The following MINDY3 variants were observed in gnomAD, a reference collection of about 807,000 sequenced individuals.
MINDY3 encodes the protein ubiquitin carboxyl-terminal hydrolase MINDY-3.
A neutral mutation model predicts 69.2 loss-of-function variants in MINDY3; 38 were observed. That is an observed-to-expected ratio of 0.55 (90% CI 0.42 to 0.72). MINDY3 has a LOEUF of 0.72. Ranked by LOEUF, MINDY3 falls within the 30% of genes least tolerant of loss-of-function variation. The pLI, the probability that MINDY3 is intolerant of heterozygous loss-of-function variation, is 0.00. For synonymous variants in MINDY3, 192 were observed against 180.1 expected (o/e 1.07, Z -0.53); for missense variants, 522 against 519.0 (o/e 1.01, Z -0.06).
chr10:15,809,562 T>C (rs1838859595), intron 10 of MINDY3, among the ~76,000 whole-genome samples: 1 of 152,144 alleles, frequency 6.6e-6, no homozygotes. Flanking sequence ...TGGAAAGTTC[T>C]CCATCGTACT....
chr10:15,844,239 G>A (rs1014431853), intron 2 of MINDY3, among the ~76,000 whole-genome samples: 10 of 152,206 alleles, frequency 6.6e-5, no homozygotes, highest in African/African-American at 2.4e-4. Context: ...CATTTACATA[G>A]GCATAAAGTC....
intron 7 of MINDY3, among the ~76,000 whole-genome samples, chr10:15,833,951 T>C (rs1832908550): frequency 6.6e-6 from 1 of 152,098 alleles, no homozygotes; most frequent in Non-Finnish European, 1.5e-5. Flanking sequence ...TTATCTAAGA[T>C]ATATTTAAAT....
intron 4 of MINDY3, among the ~76,000 whole-genome samples, chr10:15,840,632 G>A (rs963099207): frequency 6.6e-6 from 1 of 151,478 alleles, no homozygotes; most frequent in Non-Finnish European, 1.5e-5. Flanking sequence ...GATGCTCTGT[G>A]GGTAGAATAA....
At chr10:15,858,472 A>G (rs1443880938) in intron 1 of MINDY3, among the ~76,000 whole-genome samples, 1 of 152,256 alleles carries the variant, frequency 6.6e-6, no homozygotes, top group African/African-American at 2.4e-5. Context: ...TTAAAATAAT[A>G]TAAAAACAGC....
chr10:15,804,977 G>C (rs984988266), intron 10 of MINDY3, among the ~76,000 whole-genome samples: 1 of 152,114 alleles, frequency 6.6e-6, no homozygotes, highest in African/African-American at 2.4e-5. Context: ...ATCAGGGTAG[G>C]AAACACAGCA....
intron 2 of MINDY3, among the ~76,000 whole-genome samples, chr10:15,847,506 T>C (rs1213788415): frequency 6.6e-6 from 1 of 152,124 alleles, no homozygotes; most frequent in Non-Finnish European, 1.5e-5. Context: ...TTTTACAGAC[T>C]GAAATAATGA....
intron 11 of MINDY3, among the ~76,000 whole-genome samples, chr10:15,790,334 G>T (rs181831359): frequency 4.6e-5 from 7 of 152,222 alleles, no homozygotes; most frequent in African/African-American, 1.7e-4. Context: ...GATTGGCCTT[G>T]ACTAAAAGGT....
At chr10:15,783,519 C>G (rs1449424376) in intron 13 of MINDY3, among the ~76,000 whole-genome samples, 1 of 152,046 alleles carries the variant, frequency 6.6e-6, no homozygotes, top group African/African-American at 2.4e-5. Flanking sequence ...TGGTTTAAAT[C>G]TTACTTTTTC....
At chr10:15,842,715 T>C (rs1329190792) in intron 3 of MINDY3, among the ~76,000 whole-genome samples, 1 of 151,756 alleles carries the variant, frequency 6.6e-6, no homozygotes, top group Non-Finnish European at 1.5e-5. Context: ...GAATGCAAAT[T>C]CTTGTTATTA....
At chr10:15,800,615 T>C (rs1838190834) in intron 10 of MINDY3, among the ~76,000 whole-genome samples, 1 of 152,006 alleles carries the variant, frequency 6.6e-6, no homozygotes, top group Admixed American at 6.6e-5. Flanking sequence ...ATGGAACCCA[T>C]ATGAAGTGCC....
chr10:15,804,259 G>A (rs1838469910), intron 10 of MINDY3, among the ~76,000 whole-genome samples: 1 of 151,984 alleles, frequency 6.6e-6, no homozygotes, highest in African/African-American at 2.4e-5. Context: ...GGTGGACCAA[G>A]CTGTTAATGG....
intron 14 of MINDY3, among the ~76,000 whole-genome samples, chr10:15,779,565 T>C (rs1836358770): frequency 6.6e-6 from 1 of 152,174 alleles, no homozygotes; most frequent in African/African-American, 2.4e-5. Context: ...ATAAAAGGAA[T>C]ATAGCTATTA....
At chr10:15,857,657 T>C (rs1834783070) in intron 1 of MINDY3, among the ~76,000 whole-genome samples, 2 of 152,138 alleles carry the variant, frequency 1.3e-5, no homozygotes, top group Admixed American at 6.6e-5. Context: ...GCTTATTGCC[T>C]TTAAAATTAA....
chr10:15,812,632 G>T (rs537009111), intron 10 of MINDY3, among the ~76,000 whole-genome samples: 17 of 152,138 alleles, frequency 1.1e-4, no homozygotes, highest in Non-Finnish European at 2.4e-4. Context: ...TCCCATCACT[G>T]CTCTTTGGAG....
intron 8 of MINDY3, among the ~76,000 whole-genome samples, chr10:15,824,567 G>A (rs1433356125): frequency 6.6e-6 from 1 of 152,064 alleles, no homozygotes; most frequent in Non-Finnish European, 1.5e-5. Context: ...AGCCCAAATA[G>A]GTATAAATGG....
chr10:15,819,084 G>C (rs1035274834), intron 9 of MINDY3, among the ~76,000 whole-genome samples: 1 of 152,138 alleles, frequency 6.6e-6, no homozygotes, highest in Non-Finnish European at 1.5e-5. Context: ...GAGGGAGAGT[G>C]CAGGAGGGAG....
At chr10:15,842,904 C>CAAAAAAAAAAAAA (rs370464190) in intron 3 of MINDY3, among the ~76,000 whole-genome samples, 2 of 68,212 alleles carry the variant, frequency 2.9e-5, no homozygotes, top group African/African-American at 6.3e-5. Context: ...AATAAGACTA[C>CAAAAAAAAAAAAA]AAAAAAAAAA....
chr10:15,809,385 C>T (rs1057490554), intron 10 of MINDY3, among the ~76,000 whole-genome samples: 2 of 152,094 alleles, frequency 1.3e-5, no homozygotes, highest in African/African-American at 2.4e-5. Flanking sequence ...ATTCCTTAAG[C>T]GTCTACTTTT....
Position 15,837,450 on chromosome 10 carries a change from AT to A in MINDY3, c.462-133del, listed in dbSNP as rs1833166945. The A allele has an allele frequency of 3.1e-6, 4 of 1,292,978 alleles. No individual in the cohort carries two copies. The East Asian group carries it at 1.0e-4, about 34-fold the overall frequency. The allele number at this position is 1,292,978 out of a possible 1,614,324, so 80.1% of individuals were successfully genotyped here. A position where few individuals can be genotyped will look rare whatever the true frequency, so the allele number is the denominator to read the frequency against. On this transcript the variant is annotated intron_variant, in intron 5 of 14. Transcript: ENST00000277632. ...CAGGAAAGTTTTGGGACGTTTCTAA[AT>A]TTTTCATTACAAATTTAGCCACTAA...
Sources: allele counts gnomAD v4.1 joint callset (sites outside exome capture counted in the v4.1 genomes callset), GRCh38; gene constraint gnomAD v4.1.1; transcripts MANE v1.5; gene names NCBI Gene and HGNC (gene_info 2026-07-23, HGNC 2026-07-21).